Variants in WDR49 observed in about 807,000 individuals in gnomAD.
WDR49 encodes the protein cilia- and flagella-associated protein 337.
WDR49 carries 107 observed loss-of-function variants against 119.5 expected under a neutral mutation model. The observed-to-expected ratio is 0.90, with a 90% CI of 0.77 to 1.05. WDR49 has a LOEUF of 1.05. Among genes scored for constraint, WDR49 ranks in the 50% least tolerant of loss-of-function variants. WDR49 has a pLI of 0.00. For missense variants in WDR49, 1,240 were observed against 1,220.5 expected (o/e 1.02, Z -0.24); for synonymous variants, 425 against 418.8 (o/e 1.01, Z -0.18).
chr3:167,572,200 C>T (rs1350506305), intron 8 of WDR49, among the ~76,000 whole-genome samples: 1 of 152,174 alleles, frequency 6.6e-6, no homozygotes, highest in Non-Finnish European at 1.5e-5. Context: ...TCCCAACTTG[C>T]TCTGCTGCTG....
At chr3:167,552,320 A>C (rs953624093) in intron 10 of WDR49, among the ~76,000 whole-genome samples, 1 of 152,112 alleles carries the variant, frequency 6.6e-6, no homozygotes, top group Admixed American at 6.6e-5. Flanking sequence ...CTATTTAAGA[A>C]GTGAGAGGTG....
At chr3:167,497,518 C>T (rs1330972780) in intron 18 of WDR49, among the ~76,000 whole-genome samples, 1 of 152,132 alleles carries the variant, frequency 6.6e-6, no homozygotes, top group Non-Finnish European at 1.5e-5. Flanking sequence ...TCTTTGCCCA[C>T]ACTTTTTCCC....
At chr3:167,544,730 A>G (rs1303749760) in intron 10 of WDR49, among the ~76,000 whole-genome samples, 1 of 152,128 alleles carries the variant, frequency 6.6e-6, no homozygotes, top group African/African-American at 2.4e-5. Context: ...ACCTGAAACC[A>G]TAAAAATTCT....
intron 16 of WDR49, among the ~76,000 whole-genome samples, chr3:167,512,697 A>G (rs952485050): frequency 6.6e-6 from 1 of 152,236 alleles, no homozygotes; most frequent in African/African-American, 2.4e-5. Context: ...CAATGCAAAG[A>G]AGCTAAGAAC....
At chr3:167,615,196 G>T (rs1560314621) in intron 5 of WDR49, among the ~76,000 whole-genome samples, 1 of 152,136 alleles carries the variant, frequency 6.6e-6, no homozygotes, top group Non-Finnish European at 1.5e-5. Context: ...GAGTATAGTG[G>T]TGATCACGGC....
chr3:167,610,499 T>C (rs1391944894), intron 5 of WDR49, among the ~76,000 whole-genome samples: 1 of 152,214 alleles, frequency 6.6e-6, no homozygotes, highest in Non-Finnish European at 1.5e-5. Context: ...ATCTTGTTGT[T>C]TGAGTGCCAG....
chr3:167,567,467 G>A (rs760098812), intron 8 of WDR49, among the ~76,000 whole-genome samples: 1 of 152,172 alleles, frequency 6.6e-6, no homozygotes, highest in Non-Finnish European at 1.5e-5. Flanking sequence ...GTGAAGTCAT[G>A]TGCAACACGT....
intron 9 of WDR49, among the ~76,000 whole-genome samples, chr3:167,557,162 A>C (rs925644676): frequency 2.0e-5 from 3 of 152,102 alleles, no homozygotes; most frequent in African/African-American, 4.8e-5. Context: ...ATCCCACTGC[A>C]CTCCAGCCTG....
intron 16 of WDR49, among the ~76,000 whole-genome samples, chr3:167,519,980 T>C (rs1401643202): frequency 6.6e-6 from 1 of 152,004 alleles, no homozygotes; most frequent in African/African-American, 2.4e-5. Flanking sequence ...ACGTCTGTAA[T>C]CCCAGCACTT....
intron 8 of WDR49, chr3:167,574,985 C>A (rs1714154560): frequency 3.6e-6 from 3 of 827,054 alleles, no homozygotes; most frequent in South Asian, 5.5e-5. Context: ...TGACACGACA[C>A]ACTACCCATT....
intron 8 of WDR49, 133 bp from the exon 9 acceptor site, chr3:167,560,361 A>G: frequency 1.1e-6 from 1 of 893,128 alleles, no homozygotes; most frequent in Non-Finnish European, 1.6e-6. Flanking sequence ...TTTGTAATGG[A>G]CTTTCTTTCT....
chr3:167,586,613 C>T (rs930440883), intron 7 of WDR49, among the ~76,000 whole-genome samples: 11 of 152,250 alleles, frequency 7.2e-5, no homozygotes, highest in African/African-American at 2.2e-4. Context: ...TAACCCCAGT[C>T]CTATAAAATA....
At chr3:167,517,708 T>TTTTC (rs1553861988) in intron 16 of WDR49, among the ~76,000 whole-genome samples, 11 of 146,934 alleles carry the variant, frequency 7.5e-5, no homozygotes, top group South Asian at 2.2e-4. Flanking sequence ...CTTTACTTTT[T>TTTTC]TTTTCTTTTC....
At chr3:167,636,014 CATGA>C (rs1717601759) in intron 2 of WDR49, among the ~76,000 whole-genome samples, 2 of 151,682 alleles carry the variant, frequency 1.3e-5, no homozygotes, top group South Asian at 4.1e-4. Context: ...TATTTGGTTA[CATGA>C]GTAAGTTTTT....
At chr3:167,604,271 C>G (rs185106160) in intron 6 of WDR49, 30 bp downstream of exon 6, 1 of 1,610,406 alleles carries the variant, frequency 6.2e-7, no homozygotes, top group Non-Finnish European at 8.5e-7. Flanking sequence ...TTATGAGGCC[C>G]TCATAGTTAT....
chr3:167,531,943 T>C (rs1752866316), intron 12 of WDR49, among the ~76,000 whole-genome samples: 1 of 152,186 alleles, frequency 6.6e-6, no homozygotes, highest in South Asian at 2.1e-4. Flanking sequence ...TTCACTTTTC[T>C]CATTAATTAT....
At chr3:167,544,905 C>T (rs1712083908) in intron 10 of WDR49, among the ~76,000 whole-genome samples, 5 of 151,986 alleles carry the variant, frequency 3.3e-5, no homozygotes, top group African/African-American at 7.2e-5. Context: ...AGTAAACAGA[C>T]AATCCATAGA....
intron 10 of WDR49, among the ~76,000 whole-genome samples, chr3:167,544,247 C>G (rs921922786): frequency 6.6e-6 from 1 of 151,656 alleles, no homozygotes; most frequent in Admixed American, 6.6e-5. Context: ...CTTTCAAAAG[C>G]AACCACAAAT....
chr3:167,500,059 A>G (rs1751498637), intron 18 of WDR49, 94 bp downstream of exon 18: 1 of 1,357,950 alleles, frequency 7.4e-7, no homozygotes. Flanking sequence ...CTACAAGACA[A>G]ACACTTGTTA....
Sources: allele counts gnomAD v4.1 joint callset (sites outside exome capture counted in the v4.1 genomes callset), GRCh38; gene constraint gnomAD v4.1.1; transcripts MANE v1.5; gene names NCBI Gene and HGNC (gene_info 2026-07-23, HGNC 2026-07-21).